Variants in MAP4 observed in about 807,000 individuals in gnomAD.
MAP4 encodes microtubule-associated protein 4.
In MAP4, 76 loss-of-function variants were observed where a neutral mutation model predicts 170.2. That is an observed-to-expected ratio of 0.45 (90% confidence interval 0.37 to 0.54). The LOEUF (loss-of-function observed/expected upper bound fraction) is 0.54, where lower values mean the gene tolerates loss of function less well. Ranked by LOEUF, MAP4 falls within the 20% of genes least tolerant of loss-of-function variation. The pLI is 0.00. For missense variants in MAP4, 2,506 were observed against 2,748.0 expected (o/e 0.91, Z 1.97); for synonymous variants, 909 against 994.5 (o/e 0.91, Z 1.62).
chr3:48,044,174 T>G (rs1210248165), intron 1 of MAP4, among the ~76,000 whole-genome samples: 1 of 149,034 alleles, frequency 6.7e-6, no homozygotes, highest in African/African-American at 2.5e-5. Flanking sequence ...TTTTGTTTTT[T>G]GAGACAGTCT....
At chr3:48,080,007 A>G (rs780551336) in intron 1 of MAP4, among the ~76,000 whole-genome samples, 41 of 152,208 alleles carry the variant, frequency 2.7e-4, no homozygotes, top group Non-Finnish European at 3.7e-4. Flanking sequence ...TGACAATAAT[A>G]AAAGGCTTAG....
At chr3:48,082,867 T>C (rs923416297) in intron 1 of MAP4, among the ~76,000 whole-genome samples, 1 of 150,972 alleles carries the variant, frequency 6.6e-6, no homozygotes, top group African/African-American at 2.4e-5. Context: ...CCAGATATGA[T>C]GTGACAAGAA....
intron 10 of MAP4, among the ~76,000 whole-genome samples, chr3:47,896,131 A>G (rs2100026697): frequency 6.6e-6 from 1 of 152,242 alleles, no homozygotes; most frequent in Non-Finnish European, 1.5e-5. Context: ...TGAGTACAAC[A>G]AAACACATAG....
chr3:47,853,390 TCGA>T, intron 19 of MAP4, 38 bp from the exon 20 acceptor site: 8 of 1,354,392 alleles, frequency 5.9e-6, no homozygotes, highest in Non-Finnish European at 7.1e-6. Flanking sequence ...GCAGGGTCAG[TCGA>T]GGGGGGGAGT....
chr3:48,068,041 G>C (rs927003669), intron 1 of MAP4, among the ~76,000 whole-genome samples: 1 of 152,092 alleles, frequency 6.6e-6, no homozygotes, highest in African/African-American at 2.4e-5. Context: ...GAGGTAGGCA[G>C]ATCACTTGAG....
At chr3:47,892,465 G>A (rs928208569) in intron 10 of MAP4, 1 of 1,533,656 alleles carries the variant, frequency 6.5e-7, no homozygotes, top group Non-Finnish European at 8.7e-7. Flanking sequence ...CAGTGAGAGA[G>A]GCTGTCTGCT....
rs1203682218 is a variant in MAP4 at position 47,911,532 on chromosome 3, G to C, written c.2889C>G (p.Pro963=). 10 of 1,535,754 alleles carry C rather than the reference G, an allele frequency of 6.5e-6. No homozygotes were observed. The Admixed American group carries it at 2.0e-4, about 30-fold the overall frequency. Residue 963 remains proline, a synonymous_variant, in exon 9 of 21, where the codon CCC becomes CCG. Coordinates refer to ENST00000683076, the MANE Select transcript of MAP4 (RefSeq NM_001385682.1). The surrounding 1 kb of genome is among the most constrained non-coding windows in gnomAD (Gnocchi z 4.0). The part of the protein sequence containing the change: ...DQEVMGVVSK[P]TAAKEIPNLV... Reference sequence around the variant, plus strand: ...AATTTGGTATTTCTTTTGCTGCTGTGGGTTTTGAAACTACACCCATAACCT... The same window carrying C: ...AATTTGGTATTTCTTTTGCTGCTGTCGGTTTTGAAACTACACCCATAACCT...
At chr3:47,881,476 ATATATATATATATATATAT>A (rs2096731103) in intron 10 of MAP4, among the ~76,000 whole-genome samples, 1 of 97,516 alleles carries the variant, frequency 1.0e-5, no homozygotes, top group African/African-American at 3.5e-5. Flanking sequence ...ATATATATAT[ATATATATATATATATATAT>A]ATGCATAATC....
intron 1 of MAP4, among the ~76,000 whole-genome samples, chr3:48,044,926 G>A (rs1014230006): frequency 1.3e-5 from 2 of 151,326 alleles, no homozygotes; most frequent in African/African-American, 2.4e-5. Flanking sequence ...TCCAGCCTGG[G>A]CAACAGAGCA....
upstream of MAP4, among the ~76,000 whole-genome samples, chr3:48,020,955 C>T (rs923608533): frequency 4.6e-5 from 7 of 152,148 alleles, no homozygotes; most frequent in Admixed American, 3.3e-4. Flanking sequence ...TGTGCTACTG[C>T]ACCAAAAATC....
chr3:47,982,105 T>C (rs1189727529), intron 2 of MAP4, among the ~76,000 whole-genome samples: 2 of 152,040 alleles, frequency 1.3e-5, no homozygotes, highest in Non-Finnish European at 2.9e-5. Flanking sequence ...GTCAACACAG[T>C]AAAGCCCATC....
chr3:48,072,791 T>C (rs2100141645), intron 1 of MAP4, among the ~76,000 whole-genome samples: 1 of 152,196 alleles, frequency 6.6e-6, no homozygotes, highest in Non-Finnish European at 1.5e-5. Context: ...TTCCAAGTCA[T>C]TAGTGGCATT....
chr3:48,087,775 A>G (rs2100150070), intron 1 of MAP4, among the ~76,000 whole-genome samples: 1 of 149,888 alleles, frequency 6.7e-6, no homozygotes, highest in Non-Finnish European at 1.5e-5. Context: ...ACACACACAC[A>G]CACTGCAAGA....
chr3:47,981,693 A>G (rs1168295820), intron 2 of MAP4, among the ~76,000 whole-genome samples: 1 of 151,656 alleles, frequency 6.6e-6, no homozygotes, highest in Non-Finnish European at 1.5e-5. Flanking sequence ...TGAACCTGGG[A>G]GGCAGAGGTT....
intron 3 of MAP4, among the ~76,000 whole-genome samples, chr3:47,968,514 G>C (rs966092027): frequency 3.9e-5 from 6 of 151,988 alleles, no homozygotes; most frequent in Non-Finnish European, 7.4e-5. Flanking sequence ...AATCCCAAAA[G>C]AAATTAGAAA....
intron 12 of MAP4, among the ~76,000 whole-genome samples, chr3:47,874,288 T>C (rs2094495883): frequency 6.6e-6 from 1 of 151,992 alleles, no homozygotes; most frequent in Non-Finnish European, 1.5e-5. Flanking sequence ...GCCAATGTGG[T>C]GAATCCCCAG....
At chr3:47,873,736 G>A (rs1294790298) in intron 12 of MAP4, among the ~76,000 whole-genome samples, 1 of 152,308 alleles carries the variant, frequency 6.6e-6, no homozygotes, top group African/African-American at 2.4e-5. Flanking sequence ...TCTCTGGGAT[G>A]TGCATCAAAT....
intron 1 of MAP4, among the ~76,000 whole-genome samples, chr3:48,001,496 T>C (rs2100099118): frequency 6.6e-6 from 1 of 152,168 alleles, no homozygotes; most frequent in Admixed American, 6.5e-5. Flanking sequence ...AAATTCTAGG[T>C]AGTACCATTA....
intron 1 of MAP4, among the ~76,000 whole-genome samples, chr3:48,069,032 T>C (rs2100139748): frequency 6.6e-6 from 1 of 152,208 alleles, no homozygotes; most frequent in African/African-American, 2.4e-5. Flanking sequence ...TGGTATTAAA[T>C]TGAACACAGT....
Sources: allele counts gnomAD v4.1 joint callset (sites outside exome capture counted in the v4.1 genomes callset), GRCh38; gene constraint gnomAD v4.1.1; non-coding constraint Gnocchi (gnomAD v3.1); transcripts MANE v1.5; gene names NCBI Gene and HGNC (gene_info 2026-07-23, HGNC 2026-07-21).